ABTB3: variants seen among roughly 807,000 people sequenced by gnomAD.
ABTB3 encodes ankyrin repeat- and BTB/POZ domain-containing protein 3.
At chr12:107,618,311 G>A in the ABTB3 span, 1 of 1,613,884 alleles carries the variant, frequency 6.2e-7, no homozygotes, top group South Asian at 1.1e-5. Context: ...TGAGGGCCCT[G>A]AGGGAGGCCA....
the ABTB3 span, among the ~76,000 whole-genome samples, chr12:107,513,400 ATGT>A: frequency 6.6e-5 from 10 of 152,174 alleles, no homozygotes; most frequent in Non-Finnish European, 1.5e-5. Flanking sequence ...AGTTTCCCCC[ATGT>A]TGTTCTCCTG....
At chr12:107,357,453 T>A in the ABTB3 span, among the ~76,000 whole-genome samples, 11 of 151,892 alleles carry the variant, frequency 7.2e-5, no homozygotes, top group South Asian at 2.1e-4. Context: ...ACAAAACTTT[T>A]AAAAAAAATT....
chr12:107,411,505 A>G, the ABTB3 span, among the ~76,000 whole-genome samples: 1 of 152,340 alleles, frequency 6.6e-6, no homozygotes, highest in South Asian at 2.1e-4. Flanking sequence ...GCCAGAATTA[A>G]TGTGGGATAT....
chr12:107,654,401 C>T, the ABTB3 span, among the ~76,000 whole-genome samples: 1 of 152,114 alleles, frequency 6.6e-6, no homozygotes, highest in Non-Finnish European at 1.5e-5. Context: ...CAGGTTCAAG[C>T]GATTCTCCTG....
At chr12:107,637,945 C>G in the ABTB3 span, among the ~76,000 whole-genome samples, 3 of 151,804 alleles carry the variant, frequency 2.0e-5, no homozygotes, top group African/African-American at 7.3e-5. Context: ...TGGAGATGAA[C>G]AGTGGGTGTG....
At chr12:107,580,717 G>A in the ABTB3 span, 7 of 1,110,540 alleles carry the variant, frequency 6.3e-6, no homozygotes, top group Non-Finnish European at 8.7e-6. Context: ...GACACCTTAG[G>A]CTTGGGTCCA....
chr12:107,618,906 G>A, the ABTB3 span, among the ~76,000 whole-genome samples: 3 of 152,290 alleles, frequency 2.0e-5, no homozygotes, highest in East Asian at 5.8e-4. Flanking sequence ...GAGCTTCAGA[G>A]GGCAAAGCCA....
chr12:107,525,837 A>G, the ABTB3 span, among the ~76,000 whole-genome samples: 1 of 152,194 alleles, frequency 6.6e-6, no homozygotes, highest in African/African-American at 2.4e-5. Flanking sequence ...TTTCTGGAGC[A>G]CCTACTGTGT....
At chr12:107,652,762 T>C in the ABTB3 span, among the ~76,000 whole-genome samples, 2 of 152,176 alleles carry the variant, frequency 1.3e-5, no homozygotes, top group African/African-American at 4.8e-5. Flanking sequence ...ACTTCATCAG[T>C]GGGGAGACTG....
the ABTB3 span, among the ~76,000 whole-genome samples, chr12:107,500,095 G>A: frequency 6.6e-6 from 1 of 152,182 alleles, no homozygotes; most frequent in Admixed American, 6.5e-5. Flanking sequence ...TCCCTCCCCT[G>A]ACATGCGGCG....
At chr12:107,509,155 G>A in the ABTB3 span, among the ~76,000 whole-genome samples, 12 of 152,150 alleles carry the variant, frequency 7.9e-5, no homozygotes. Context: ...CCCCTATGAG[G>A]CGGATGTCAC....
chr12:107,352,202 G>T, the ABTB3 span, among the ~76,000 whole-genome samples: 1 of 152,110 alleles, frequency 6.6e-6, no homozygotes, highest in African/African-American at 2.4e-5. Flanking sequence ...CCTTGTCTAG[G>T]ACTTTGTGGG....
At chr12:107,519,274 C>G in the ABTB3 span, among the ~76,000 whole-genome samples, 2 of 151,978 alleles carry the variant, frequency 1.3e-5, no homozygotes, top group African/African-American at 4.8e-5. Context: ...TTCAGATCTC[C>G]AGTTTTGCAG....
the ABTB3 span, among the ~76,000 whole-genome samples, chr12:107,577,436 G>C: frequency 6.6e-6 from 1 of 152,040 alleles, no homozygotes; most frequent in Non-Finnish European, 1.5e-5. Flanking sequence ...AGACTCCCCA[G>C]CCAAACTCCT....
chr12:107,600,959 G>A, the ABTB3 span, among the ~76,000 whole-genome samples: 1 of 152,232 alleles, frequency 6.6e-6, no homozygotes, highest in Non-Finnish European at 1.5e-5. Flanking sequence ...TTGTGTGGCT[G>A]AAGGATGGTG....
chr12:107,546,769 G>T, the ABTB3 span, among the ~76,000 whole-genome samples: 156 of 152,284 alleles, frequency 1.0e-3, 1 homozygote, highest in Admixed American at 5.9e-3. Context: ...GGATGCTGAG[G>T]CAGGAGAATC....
the ABTB3 span, chr12:107,318,940 G>T: frequency 6.3e-7 from 1 of 1,592,894 alleles, no homozygotes; most frequent in Non-Finnish European, 8.6e-7. Context: ...GTGGCGCAGC[G>T]ATGGCCAGGA....
the ABTB3 span, among the ~76,000 whole-genome samples, chr12:107,547,078 C>A: frequency 6.6e-6 from 1 of 151,954 alleles, no homozygotes; most frequent in African/African-American, 2.4e-5. Flanking sequence ...CCTGTAGTCC[C>A]AGCTACTTAG....
the ABTB3 span, among the ~76,000 whole-genome samples, chr12:107,608,592 A>G: frequency 1.1e-4 from 17 of 152,176 alleles, no homozygotes; most frequent in Non-Finnish European, 2.2e-4. Flanking sequence ...GACACAAGCC[A>G]GGTGCAGTTG....
Sources: allele counts gnomAD v4.1 joint callset (sites outside exome capture counted in the v4.1 genomes callset), GRCh38; gene constraint gnomAD v4.1.1; transcripts MANE v1.5; gene names NCBI Gene and HGNC (gene_info 2026-07-23, HGNC 2026-07-21).